The following BLTP3A variants were observed in gnomAD, a reference collection of about 807,000 sequenced individuals.
The protein encoded by BLTP3A is ICBP90 binding protein 1.
chr6:34,853,985 G>A, the BLTP3A span, among the ~76,000 whole-genome samples: 2 of 152,128 alleles, frequency 1.3e-5, no homozygotes, highest in African/African-American at 4.8e-5. Context: ...GCACTTTGGG[G>A]GGCCGAGGTG....
the BLTP3A span, among the ~76,000 whole-genome samples, chr6:34,850,097 C>T: frequency 1.4e-4 from 21 of 151,150 alleles, no homozygotes; most frequent in African/African-American, 2.2e-4. Flanking sequence ...GAGCCAAGAT[C>T]GTGCCACTGC....
the BLTP3A span, among the ~76,000 whole-genome samples, chr6:34,805,613 A>G: frequency 4.3e-5 from 6 of 141,126 alleles, no homozygotes; most frequent in Non-Finnish European, 9.2e-5. Flanking sequence ...AAAAAAAAAG[A>G]TAAGCTGGGT....
the BLTP3A span, among the ~76,000 whole-genome samples, chr6:34,833,743 A>G: frequency 6.6e-6 from 1 of 152,042 alleles, no homozygotes; most frequent in Non-Finnish European, 1.5e-5. Flanking sequence ...CCTGGCCAAC[A>G]TGGGGAAACC....
At chr6:34,867,294 G>A in the BLTP3A span, 3 of 1,614,132 alleles carry the variant, frequency 1.9e-6, no homozygotes, top group Admixed American at 3.3e-5. Context: ...GTTCAAGGGA[G>A]CCCTCTTGTG....
chr6:34,794,828 A>G, the BLTP3A span, among the ~76,000 whole-genome samples: 1 of 150,954 alleles, frequency 6.6e-6, no homozygotes. Flanking sequence ...CTCTGTCACC[A>G]GGCTGGAGTG....
the BLTP3A span, chr6:34,836,342 G>A: frequency 2.5e-6 from 4 of 1,613,882 alleles, no homozygotes; most frequent in Non-Finnish European, 3.4e-6. Context: ...CCAGTCCCGA[G>A]AGCCAGGTAC....
the BLTP3A span, among the ~76,000 whole-genome samples, chr6:34,866,194 A>G: frequency 1.3e-5 from 2 of 152,168 alleles, no homozygotes; most frequent in East Asian, 3.9e-4. Flanking sequence ...CAGGCAGATC[A>G]GGAGTTTGAG....
the BLTP3A span, chr6:34,857,420 TTCA>T: frequency 6.2e-7 from 1 of 1,614,220 alleles, no homozygotes; most frequent in Non-Finnish European, 8.5e-7. Flanking sequence ...GTCTCTGCCA[TTCA>T]TATTGAGTTC....
At chr6:34,831,803 A>G in the BLTP3A span, among the ~76,000 whole-genome samples, 2 of 152,096 alleles carry the variant, frequency 1.3e-5, no homozygotes, top group Non-Finnish European at 2.9e-5. Context: ...TTGATTTATG[A>G]GTGAGGTTGA....
chr6:34,808,346 C>CAAAAAAAAAAAAAAAAAAAAAAAAAAAAA, the BLTP3A span, among the ~76,000 whole-genome samples: 1 of 26,732 alleles, frequency 3.7e-5, no homozygotes, highest in Non-Finnish European at 6.6e-5. Context: ...AACTCCGTCT[C>CAAAAAAAAAAAAAAAAAAAAAAAAAAAAA]AAAAAAAAAA....
chr6:34,843,470 A>G, the BLTP3A span, among the ~76,000 whole-genome samples: 2 of 152,114 alleles, frequency 1.3e-5, no homozygotes, highest in African/African-American at 2.4e-5. Context: ...TTTAATTTTT[A>G]TGGGTGATAG....
the BLTP3A span, among the ~76,000 whole-genome samples, chr6:34,839,549 T>A: frequency 2.0e-5 from 3 of 152,352 alleles, no homozygotes; most frequent in East Asian, 5.8e-4. Context: ...TCCATGACTA[T>A]GCCAAATGTC....
the BLTP3A span, chr6:34,873,535 C>T: frequency 1.3e-5 from 2 of 152,176 alleles, no homozygotes; most frequent in African/African-American, 2.4e-5. Flanking sequence ...TCCCTCATCC[C>T]AGCTAGGTTT....
the BLTP3A span, among the ~76,000 whole-genome samples, chr6:34,831,067 G>A: frequency 4.6e-5 from 7 of 151,414 alleles, no homozygotes; most frequent in African/African-American, 2.4e-5. Flanking sequence ...TACTTGGTTA[G>A]ATAAATGTAC....
At chr6:34,820,725 T>G in the BLTP3A span, among the ~76,000 whole-genome samples, 5 of 150,218 alleles carry the variant, frequency 3.3e-5, no homozygotes, top group South Asian at 8.5e-4. Flanking sequence ...CATCTCAGTT[T>G]AGAGTACAGT....
At chr6:34,852,140 C>A in the BLTP3A span, among the ~76,000 whole-genome samples, 1 of 152,146 alleles carries the variant, frequency 6.6e-6, no homozygotes, top group Non-Finnish European at 1.5e-5. Context: ...TGGTACCCAG[C>A]TGCAAGACAA....
At chr6:34,858,755 G>A in the BLTP3A span, 20 of 1,614,090 alleles carry the variant, frequency 1.2e-5, no homozygotes, top group Middle Eastern at 1.5e-3. Context: ...GGCAGTAGTG[G>A]TATGGACAAC....
At chr6:34,819,864 G>A in the BLTP3A span, among the ~76,000 whole-genome samples, 1 of 152,296 alleles carries the variant, frequency 6.6e-6, no homozygotes, top group African/African-American at 2.4e-5. Context: ...CCATTTGACC[G>A]ATAGAGTTTC....
At chr6:34,804,576 A>G in the BLTP3A span, among the ~76,000 whole-genome samples, 1 of 151,996 alleles carries the variant, frequency 6.6e-6, no homozygotes, top group Non-Finnish European at 1.5e-5. Flanking sequence ...TGCATTTAGG[A>G]GATTGCCTAT....
Sources: gnomAD v4.1 joint callset for allele counts (sites outside exome capture counted in the v4.1 genomes callset) on GRCh38, gnomAD v4.1.1 for gene constraint, MANE v1.5 for transcripts, NCBI Gene and HGNC (gene_info 2026-07-23, HGNC 2026-07-21) for gene names.